KIF9: variants seen among roughly 807,000 people sequenced by gnomAD.
KIF9 encodes the protein kinesin-like protein KIF9.
In KIF9, 68 loss-of-function variants were observed where a neutral mutation model predicts 94.8. The ratio of observed to expected loss-of-function variants is 0.72; its 90% CI spans 0.59 to 0.88. KIF9 has a LOEUF of 0.88. Among genes scored for constraint, KIF9 ranks in the 40% least tolerant of loss-of-function variants. The probability of loss-of-function intolerance (pLI) is 0.00; values close to 1 mark genes in which losing one functional copy is unlikely to be tolerated. For missense variants in KIF9, 882 were observed against 982.5 expected, an observed-to-expected ratio of 0.90 and a Z score of 1.37; for synonymous variants, 343 against 362.1, an observed-to-expected ratio of 0.95 and a Z score of 0.60.
At chr3:47,256,101 G>A (rs986485792) in intron 10 of KIF9, among the ~76,000 whole-genome samples, 11 of 152,180 alleles carry the variant, frequency 7.2e-5, no homozygotes, top group Non-Finnish European at 1.3e-4. Context: ...GCGTGATCTC[G>A]GCTCGCTACA....
chr3:47,236,174 C>T, intron 18 of KIF9, 25 bp from the exon 19 acceptor site: 1 of 1,549,558 alleles, frequency 6.5e-7, no homozygotes, highest in Non-Finnish European at 8.9e-7. Flanking sequence ...GGAGACAGAA[C>T]TTGAGGAAGC....
chr3:47,269,352 G>C (rs1349729424), intron 5 of KIF9, among the ~76,000 whole-genome samples: 1 of 152,188 alleles, frequency 6.6e-6, no homozygotes, highest in East Asian at 1.9e-4. Flanking sequence ...CATGATCTCA[G>C]CTTACTGAAA....
intron 10 of KIF9, among the ~76,000 whole-genome samples, chr3:47,252,675 C>T (rs1211353594): frequency 2.6e-5 from 4 of 152,016 alleles, no homozygotes; most frequent in African/African-American, 9.7e-5. Context: ...GCCAGGTTCA[C>T]GGGTAGCAAT....
chr3:47,237,313 T>C (rs1699103753), intron 17 of KIF9, among the ~76,000 whole-genome samples: 1 of 152,170 alleles, frequency 6.6e-6, no homozygotes, highest in Non-Finnish European at 1.5e-5. Flanking sequence ...AGGCTGGTCT[T>C]GAATTCCTGA....
chr3:47,237,783 G>A (rs1291421909), intron 17 of KIF9, among the ~76,000 whole-genome samples: 1 of 152,248 alleles, frequency 6.6e-6, no homozygotes, highest in Non-Finnish European at 1.5e-5. Context: ...CACTAATGGA[G>A]TCATTAATGG....
intron 10 of KIF9, among the ~76,000 whole-genome samples, chr3:47,255,349 ATT>A (rs922127162): frequency 1.3e-5 from 2 of 152,110 alleles, no homozygotes; most frequent in African/African-American, 4.8e-5. Context: ...TTTAATTTGT[ATT>A]TCCCTTGTTA....
At position 47,257,699 on chromosome 3, in the gene KIF9, A is replaced by G. The variant is rs1184326182; in HGVS notation, c.982-139T>C. Reference sequence around the variant, plus strand: ...CAACCCATGTTGGTTCCCTTCCCCCAGAGGACATTGGTCAAAAGAGTTCTT... The same window carrying G: ...CAACCCATGTTGGTTCCCTTCCCCCGGAGGACATTGGTCAAAAGAGTTCTT... On this transcript the variant is annotated intron_variant, in intron 9 of 20. Coordinates refer to ENST00000684063, the MANE Select transcript of KIF9 (RefSeq NM_182902.4). 8 of 683,196 alleles carry G rather than the reference A, an allele frequency of 1.2e-5. No homozygotes were observed. The South Asian group carries it at 1.2e-4, about 11-fold the overall frequency. 42.3% of individuals were successfully genotyped at this position (683,196 alleles called of 1,614,324 possible). A position where few individuals can be genotyped will look rare whatever the true frequency, so the allele number is the denominator to read the frequency against.
chr3:47,254,467 T>A (rs1039585146), intron 10 of KIF9, among the ~76,000 whole-genome samples: 2 of 151,778 alleles, frequency 1.3e-5, no homozygotes, highest in African/African-American at 4.8e-5. Context: ...AAAAATTAGC[T>A]GGGCATGGTA....
At chr3:47,266,375 G>A (rs1701290197) in intron 7 of KIF9, among the ~76,000 whole-genome samples, 2 of 152,148 alleles carry the variant, frequency 1.3e-5, no homozygotes, top group South Asian at 2.1e-4. Flanking sequence ...CAGGTGTGGT[G>A]GCTCACACTT....
At chr3:47,264,212 G>A in intron 9 of KIF9, 74 bp downstream of exon 9, 1 of 1,152,396 alleles carries the variant, frequency 8.7e-7, no homozygotes, top group Non-Finnish European at 1.3e-6. Flanking sequence ...AGGGTAGCCA[G>A]CCTGGAGCCT....
rs557764817 is a variant in KIF9 at position 47,258,048 on chromosome 3, T to C, written c.982-488A>G. Among the ~76,000 whole-genome samples, 7 of 152,264 alleles carry C rather than the reference T, an allele frequency of 4.6e-5. No homozygotes were observed. The East Asian group carries it at 1.4e-3, about 29-fold the overall frequency. On this transcript the variant is annotated intron_variant, in intron 9 of 20. Coordinates refer to ENST00000684063, the MANE Select transcript of KIF9 (RefSeq NM_182902.4). ...CAGTGATCCCCCTCCTTCACGCAGT[T>C]TTCAGGGTCTCGATCAGCCATGTCC...
At chr3:47,265,233 C>T (rs557761056) in intron 8 of KIF9, among the ~76,000 whole-genome samples, 2 of 152,144 alleles carry the variant, frequency 1.3e-5, no homozygotes, top group South Asian at 4.1e-4. Flanking sequence ...CAGGGAGGGG[C>T]AGGGACAGGA....
At chr3:47,240,488 A>C (rs1041087667) in intron 17 of KIF9, among the ~76,000 whole-genome samples, 3 of 152,166 alleles carry the variant, frequency 2.0e-5, no homozygotes, top group African/African-American at 7.2e-5. Flanking sequence ...CCCATCTCCC[A>C]GTGATACCTC....
chr3:47,245,061 A>G, intron 14 of KIF9, 137 bp from the exon 15 acceptor site: 1 of 1,191,978 alleles, frequency 8.4e-7, no homozygotes, highest in Admixed American at 2.6e-5. Context: ...TGCTGATGCC[A>G]GCCTCAGGCT....
At chr3:47,268,617 C>T (rs1159014784) in intron 5 of KIF9, among the ~76,000 whole-genome samples, 1 of 146,380 alleles carries the variant, frequency 6.8e-6, no homozygotes, top group Non-Finnish European at 1.5e-5. Context: ...CATTCTCACT[C>T]TGTTGCCCAG....
chr3:47,234,224 T>C (rs992735537), intron 20 of KIF9, among the ~76,000 whole-genome samples: 1 of 151,894 alleles, frequency 6.6e-6, no homozygotes, highest in Non-Finnish European at 1.5e-5. Flanking sequence ...GGGGACAGCA[T>C]TTGTACTTTC....
chr3:47,257,463 G>A lies in KIF9; in HGVS notation c.1059+20C>T. 1.2e-6 allele frequency: 2 copies of A among 1,609,638 alleles called. No individual in the cohort carries two copies. The highest frequency in any genetic ancestry group is 1.7e-6 in the Non-Finnish European group (2 of 1,176,106). On this transcript the variant is annotated intron_variant, in intron 10 of 20. Transcript: ENST00000684063. ...ACACTTTCCCCACAGTGGGACACCT[G>A]TCCACAACCCCTGCTGTACCTCAGC...
chr3:47,265,378 C>T (rs1005635314), intron 8 of KIF9, among the ~76,000 whole-genome samples: 1 of 152,122 alleles, frequency 6.6e-6, no homozygotes, highest in African/African-American at 2.4e-5. Flanking sequence ...CTGCTCTGTA[C>T]AGGAGGCTGC....
intron 1 of KIF9, 33 bp from the exon 2 acceptor site, chr3:47,277,412 G>C (rs1702052055): frequency 1.4e-6 from 2 of 1,429,764 alleles, no homozygotes; most frequent in African/African-American, 2.8e-5. Flanking sequence ...ATTTTGAGTA[G>C]TCATTATCAA....
Sources: gnomAD v4.1 joint callset for allele counts (sites outside exome capture counted in the v4.1 genomes callset) on GRCh38, gnomAD v4.1.1 for gene constraint, MANE v1.5 for transcripts, NCBI Gene and HGNC (gene_info 2026-07-23, HGNC 2026-07-21) for gene names.